Variants in ADK observed in about 807,000 individuals in gnomAD.
ADK encodes the protein adenosine kinase, also known as N6,N6-dimethyladenosine kinase.
A neutral mutation model predicts 44.7 loss-of-function variants in ADK; 24 were observed. The observed-to-expected ratio is 0.54, with a 90% CI of 0.39 to 0.76. ADK has a LOEUF of 0.76. Among genes scored for constraint, ADK ranks in the 30% least tolerant of loss-of-function variants. The probability of loss-of-function intolerance (pLI) is 0.00; values close to 1 mark genes in which losing one functional copy is unlikely to be tolerated. For synonymous variants in ADK, 128 were observed against 142.6 expected, an observed-to-expected ratio of 0.90 and a Z score of 0.73; for missense variants, 321 against 425.1, an observed-to-expected ratio of 0.76 and a Z score of 2.15.
intron 9 of ADK, among the ~76,000 whole-genome samples, chr10:74,661,098 T>A (rs1393668942): frequency 1.3e-5 from 2 of 152,144 alleles, no homozygotes; most frequent in Non-Finnish European, 2.9e-5. Context: ...AAATCTGGAA[T>A]GTGAACCCAA....
chr10:74,498,753 C>T (rs973560057), intron 6 of ADK, among the ~76,000 whole-genome samples: 1 of 152,126 alleles, frequency 6.6e-6, no homozygotes, highest in Admixed American at 6.5e-5. Context: ...TCAATTCCCA[C>T]CTATGAGTGA....
At chr10:74,647,114 A>AG (rs1317318121) in intron 9 of ADK, among the ~76,000 whole-genome samples, 1 of 151,054 alleles carries the variant, frequency 6.6e-6, no homozygotes, top group Non-Finnish European at 1.5e-5. Flanking sequence ...AAAAAAAAAA[A>AG]CTCTAGAGTT....
intron 3 of ADK, among the ~76,000 whole-genome samples, chr10:74,284,847 C>T (rs1279426978): frequency 6.6e-6 from 1 of 152,200 alleles, no homozygotes; most frequent in Non-Finnish European, 1.5e-5. Flanking sequence ...TTTTACAATG[C>T]TATAGGAGTC....
intron 4 of ADK, among the ~76,000 whole-genome samples, chr10:74,389,787 A>G (rs1266322998): frequency 2.0e-5 from 3 of 152,112 alleles, no homozygotes; most frequent in Admixed American, 6.5e-5. Context: ...CTGTTTATCA[A>G]TTTTTGCCTT....
At chr10:74,302,090 G>GGTTTTTTTTTTTTTTT (rs1840055915) in intron 3 of ADK, among the ~76,000 whole-genome samples, 2 of 17,032 alleles carry the variant, frequency 1.2e-4, no homozygotes, top group African/African-American at 5.1e-4. Flanking sequence ...TTTCTTTTCT[G>GGTTTTTTTTTTTTTTT]TTTTTTTTTT....
chr10:74,603,132 A>C (rs1183221471), intron 9 of ADK, among the ~76,000 whole-genome samples: 1 of 152,142 alleles, frequency 6.6e-6, no homozygotes, highest in African/African-American at 2.4e-5. Flanking sequence ...TCCTAGCATT[A>C]AAATACTAAT....
intron 7 of ADK, among the ~76,000 whole-genome samples, chr10:74,552,031 TTTA>T (rs1850052908): frequency 6.7e-6 from 1 of 149,482 alleles, no homozygotes. Context: ...ATTATTATTT[TTTA>T]TTGTTGGATT....
At chr10:74,339,236 C>T (rs1288688438) in intron 4 of ADK, among the ~76,000 whole-genome samples, 1 of 152,190 alleles carries the variant, frequency 6.6e-6, no homozygotes, top group African/African-American at 2.4e-5. Flanking sequence ...GCTGGGATTA[C>T]AGGGGTGAGC....
At chr10:74,304,289 T>G (rs1840175449) in intron 3 of ADK, among the ~76,000 whole-genome samples, 1 of 152,082 alleles carries the variant, frequency 6.6e-6, no homozygotes, top group Admixed American at 6.6e-5. Context: ...TTCTGCAAAA[T>G]CAGTAACTAA....
At chr10:74,189,742 G>GTTAC (rs1356218320) in intron 1 of ADK, among the ~76,000 whole-genome samples, 2 of 152,128 alleles carry the variant, frequency 1.3e-5, no homozygotes, top group Non-Finnish European at 2.9e-5. Context: ...CCCGTTAGCA[G>GTTAC]TTACTCTTCA....
At chr10:74,202,989 A>G (rs147239928) in intron 2 of ADK, among the ~76,000 whole-genome samples, 3 of 152,186 alleles carry the variant, frequency 2.0e-5, no homozygotes, top group Non-Finnish European at 2.9e-5. Context: ...TTTGTTGCTT[A>G]TGCTTTTGCT....
At chr10:74,502,296 C>T (rs2133453782) in intron 6 of ADK, among the ~76,000 whole-genome samples, 1 of 151,874 alleles carries the variant, frequency 6.6e-6, no homozygotes, top group East Asian at 1.9e-4. Context: ...AGTAAACTAA[C>T]ATAAAAGTAA....
chr10:74,661,970 G>A (rs1589346514), intron 9 of ADK, among the ~76,000 whole-genome samples: 1 of 152,160 alleles, frequency 6.6e-6, no homozygotes. Context: ...ATTGTTCTAT[G>A]AGATCTAATG....
chr10:74,698,369 C>A (rs1450507936), intron 10 of ADK, among the ~76,000 whole-genome samples: 1 of 152,220 alleles, frequency 6.6e-6, no homozygotes, highest in African/African-American at 2.4e-5. Flanking sequence ...AGCATACATA[C>A]AGAGCTGTGC....
intron 1 of ADK, chr10:74,176,383 C>T: frequency 3.3e-6 from 3 of 918,830 alleles, no homozygotes; most frequent in Non-Finnish European, 3.9e-6. Context: ...ATCCCACTCC[C>T]GAAGACCTGC....
At chr10:74,354,165 T>C (rs959738916) in intron 4 of ADK, among the ~76,000 whole-genome samples, 1 of 152,236 alleles carries the variant, frequency 6.6e-6, no homozygotes, top group Non-Finnish European at 1.5e-5. Context: ...TGTGTAAGAA[T>C]AGGAGAAGGT....
intron 6 of ADK, among the ~76,000 whole-genome samples, chr10:74,410,189 A>G (rs1265145116): frequency 6.6e-6 from 1 of 152,106 alleles, no homozygotes; most frequent in East Asian, 1.9e-4. Flanking sequence ...ACCAAAAGAC[A>G]TGGTTACACT....
At chr10:74,329,124 A>G (rs1306034387) in intron 4 of ADK, among the ~76,000 whole-genome samples, 6 of 149,334 alleles carry the variant, frequency 4.0e-5, no homozygotes, top group Non-Finnish European at 3.0e-5. Context: ...AAAAAAAAAA[A>G]AAAAAAGAAA....
intron 3 of ADK, among the ~76,000 whole-genome samples, chr10:74,300,259 TTTCCTTCCTTCCTTCCTTCCTTCC>T (rs1158122190): frequency 4.9e-5 from 3 of 60,996 alleles, no homozygotes; most frequent in African/African-American, 1.5e-4. Context: ...TCTCTCCTTG[TTTCCTTCCTTCCTTCCTTCCTTCC>T]TTCCTTCCTT....
Sources: gnomAD v4.1 joint callset for allele counts (sites outside exome capture counted in the v4.1 genomes callset) on GRCh38, gnomAD v4.1.1 for gene constraint, MANE v1.5 for transcripts, NCBI Gene and HGNC (gene_info 2026-07-23, HGNC 2026-07-21) for gene names.